Variants in EXD3 observed in about 807,000 individuals in gnomAD.
EXD3 encodes exonuclease mut-7 homolog.
EXD3 carries 92 observed loss-of-function variants against 98.0 expected under a neutral mutation model. The observed-to-expected ratio is 0.94, with a 90% confidence interval of 0.79 to 1.12. The LOEUF (loss-of-function observed/expected upper bound fraction) is 1.12. Among genes scored for constraint, EXD3 ranks in the 50% most tolerant of loss-of-function variants. EXD3 has a pLI of 0.00. For missense variants in EXD3, 1,222 were observed against 1,191.6 expected, an observed-to-expected ratio of 1.03 and a Z score of -0.38; for synonymous variants, 569 against 526.0, an observed-to-expected ratio of 1.08 and a Z score of -1.12.
intron 17 of EXD3, among the ~76,000 whole-genome samples, chr9:137,338,307 C>A (rs1192294444): frequency 1.3e-5 from 2 of 152,116 alleles, no homozygotes; most frequent in Non-Finnish European, 2.9e-5. Context: ...AATAAGCAAT[C>A]ATAATTGATA....
At position 137,314,741 on chromosome 9, in the gene EXD3, C is replaced by A. The variant is rs954211780; in HGVS notation, c.2185-5041G>T. 3.3e-5 allele frequency among the ~76,000 whole-genome samples: 5 copies of A among 152,264 alleles called. No homozygotes were observed. The East Asian group carries it at 5.8e-4, about 18-fold the overall frequency. On this transcript the variant is annotated intron_variant, in intron 19 of 21. Coordinates refer to ENST00000340951, the MANE Select transcript of EXD3 (RefSeq NM_017820.5). ...GACAGTGTGGGGGATGGGCCTCGGG[C>A]AGCGTCGGCGGCGAGAAGGTCCCTG...
Position 137,332,211 on chromosome 9 carries a change from G to A in EXD3, c.1999-8068C>T, listed in dbSNP as rs923803052. Among the ~76,000 whole-genome samples the A allele has an allele frequency of 7.0e-4, 106 of 151,916 alleles. 1 individual carries two copies. The highest frequency in any genetic ancestry group is 2.1e-4 in the Non-Finnish European group (14 of 68,016). On this transcript the variant is annotated intron_variant, in intron 17 of 21. Transcript: ENST00000340951. ...CAATTCCTATCAAAGTACCAACATCGTTTTTCACAGCATTAGAAAAAACAA... is the reference window on the plus strand; with the variant it reads ...CAATTCCTATCAAAGTACCAACATCATTTTTCACAGCATTAGAAAAAACAA...
chr9:137,358,996 G>T (rs1834929234), intron 7 of EXD3, among the ~76,000 whole-genome samples: 1 of 150,360 alleles, frequency 6.7e-6, no homozygotes, highest in Non-Finnish European at 1.5e-5. Context: ...GCCCAGGCTG[G>T]AGTGCAGTGG....
At chr9:137,354,242 C>A (rs965270067) in intron 10 of EXD3, 97 bp downstream of exon 10, 4 of 1,536,042 alleles carry the variant, frequency 2.6e-6, no homozygotes, top group Non-Finnish European at 2.6e-6. Flanking sequence ...GCGAAGGCCT[C>A]AGCTCTGCGC....
At chr9:137,399,209 C>G (rs1837371426) in intron 1 of EXD3, among the ~76,000 whole-genome samples, 1 of 152,226 alleles carries the variant, frequency 6.6e-6, no homozygotes, top group African/African-American at 2.4e-5. Flanking sequence ...GCTGAGAAAT[C>G]TGATGCCCCC....
At chr9:137,388,289 GCCAGGACGGCTCCACCATCTGTCC>G (rs773867643) in intron 2 of EXD3, among the ~76,000 whole-genome samples, 58 of 151,918 alleles carry the variant, frequency 3.8e-4, no homozygotes, top group East Asian at 1.6e-3. Context: ...GGCAGAGGCG[GCCAGGACGGCTCCACCATCTGTCC>G]CCAGGACGGC....
chr9:137,380,029 A>C (rs1158641404), intron 3 of EXD3, among the ~76,000 whole-genome samples: 1 of 151,716 alleles, frequency 6.6e-6, no homozygotes. Flanking sequence ...GTCCTGGCCC[A>C]GGCATCTCCT....
rs545647799 is a variant in EXD3 at position 137,347,255 on chromosome 9, C to G, written c.1998+816G>C. ...GCTGAAATCACAGTGTTCGCGACGG[C>G]AGGCTCCTCTTAGGAGACTCCGGGG... On this transcript the variant is annotated intron_variant, in intron 17 of 21. Transcript: ENST00000340951. The surrounding 1 kb of genome is among the most constrained non-coding windows in gnomAD (Gnocchi z 4.2). Among the ~76,000 whole-genome samples, 11 of 152,328 alleles carry G rather than the reference C, an allele frequency of 7.2e-5. No individual in the cohort carries two copies. Among genetic ancestry groups the G allele is most frequent in the Admixed American group, 7.2e-4 (11 of 15,296 alleles).
At chr9:137,335,202 C>T (rs1369037986) in intron 17 of EXD3, among the ~76,000 whole-genome samples, 1 of 151,766 alleles carries the variant, frequency 6.6e-6, no homozygotes, top group African/African-American at 2.4e-5. Flanking sequence ...AACAAATCCG[C>T]AAGAAAAAAA....
chr9:137,332,861 A>T (rs939067746), intron 17 of EXD3, among the ~76,000 whole-genome samples: 2 of 152,106 alleles, frequency 1.3e-5, no homozygotes, highest in African/African-American at 2.4e-5. Context: ...ACAAAAAACA[A>T]ATCTGGAGGC....
chr9:137,383,383 GAGATA>G lies in EXD3; in HGVS notation c.56-11_56-7del, dbSNP rs149175161. 1,065 of 1,543,586 alleles carry G rather than the reference GAGATA, an allele frequency of 6.9e-4. 12 individuals are homozygous for G. In the African/African-American group the frequency reaches 0.012, roughly 18 times the overall value. On this transcript the variant is annotated splice_region_variant and splice_polypyrimidine_tract_variant and intron_variant, in intron 2 of 21. Transcript: ENST00000340951. ...GAGCAGGAGGGGGTCCCGGCCTGTG[GAGATA>G]AGATAACAGCCGTGGGAGGGAGAGG... is the stretch of plus-strand genomic sequence containing the variant.
intron 8 of EXD3, among the ~76,000 whole-genome samples, chr9:137,355,732 G>GAAAGGGAGGAAGGAGGAAGGAGGAAGGA (rs1397701660): frequency 8.3e-6 from 1 of 120,526 alleles, no homozygotes; most frequent in Non-Finnish European, 1.8e-5. Flanking sequence ...GGAGGAAGGA[G>GAAAGGGAGGAAGGAGGAAGGAGGAAGGA]GACCTAGAAA....
chr9:137,420,076 C>T (rs537817373), intron 1 of EXD3, among the ~76,000 whole-genome samples: 2 of 151,894 alleles, frequency 1.3e-5, no homozygotes, highest in East Asian at 1.9e-4. Context: ...TGGTGAATGG[C>T]GTGAACCCGG....
chr9:137,327,612 A>C (rs563393395), intron 17 of EXD3, among the ~76,000 whole-genome samples: 1 of 152,186 alleles, frequency 6.6e-6, no homozygotes, highest in South Asian at 2.1e-4. Flanking sequence ...GAAAGTAGTT[A>C]CTTCGTGGTA....
intron 19 of EXD3, among the ~76,000 whole-genome samples, chr9:137,320,544 G>A (rs970706953): frequency 8.5e-5 from 13 of 152,222 alleles, no homozygotes; most frequent in African/African-American, 3.1e-4. Flanking sequence ...GTGGGTGGCA[G>A]AGTGGCATCA....
chr9:137,398,724 C>CA (rs1273020276), intron 1 of EXD3, among the ~76,000 whole-genome samples: 1 of 121,370 alleles, frequency 8.2e-6, no homozygotes, highest in Non-Finnish European at 2.0e-5. Context: ...CCCGCATCCC[C>CA]AAGACACACA....
At chr9:137,398,677 GAC>G (rs1186098676) in intron 1 of EXD3, among the ~76,000 whole-genome samples, 1 of 148,512 alleles carries the variant, frequency 6.7e-6, no homozygotes, top group Admixed American at 6.7e-5. Context: ...GCGTCCCCAA[GAC>G]ACACAGGCAC....
chr9:137,342,895 G>A (rs1267638485), intron 17 of EXD3, among the ~76,000 whole-genome samples: 1 of 152,246 alleles, frequency 6.6e-6, no homozygotes, highest in Non-Finnish European at 1.5e-5. Context: ...GCCGAGGCAG[G>A]TGGATTACAA....
chr9:137,353,261 C>T (rs1358382277), intron 10 of EXD3: 1 of 985,116 alleles, frequency 1.0e-6, no homozygotes, highest in Non-Finnish European at 1.2e-6. Context: ...CCCTCCTGGC[C>T]TCCAAGCCTC....
Sources: gnomAD v4.1 joint callset for allele counts (sites outside exome capture counted in the v4.1 genomes callset) on GRCh38, gnomAD v4.1.1 for gene constraint, Gnocchi (gnomAD v3.1) non-coding constraint, MANE v1.5 for transcripts, NCBI Gene and HGNC (gene_info 2026-07-23, HGNC 2026-07-21) for gene names.